The following CUX1 variants were observed in gnomAD, a reference collection of about 807,000 sequenced individuals.
The protein encoded by CUX1 is protein CASP.
In CUX1, 31 loss-of-function variants were observed where a neutral mutation model predicts 158.8. The observed-to-expected ratio is 0.20, with a 90% CI of 0.15 to 0.26. The LOEUF is 0.26. Among genes scored for constraint, CUX1 ranks in the 10% least tolerant of loss-of-function variants. CUX1 has a pLI of 1.00. For missense variants in CUX1, 1,589 were observed against 2,014.6 expected (o/e 0.79, Z 4.04); for synonymous variants, 879 against 862.1 (o/e 1.02, Z -0.34).
chr7:102,253,384 T>C lies in CUX1; in HGVS notation c.*4342T>C, dbSNP rs868942889. 7.1e-6 allele frequency: 7 copies of C among 985,462 alleles called. 1 individual carries two copies. The highest frequency in any genetic ancestry group is 1.0e-3 in the Middle Eastern group (2 of 1,914). 61.0% of individuals were successfully genotyped at this position (985,462 alleles called of 1,614,324 possible). ...GCCTCGGCTGACTACTTTAAGATTA[T>C]GCCACAGCCAGGCCCTAAAAAGAGA... On this transcript the variant is annotated 3_prime_UTR_variant, in exon 24 of 24. Coordinates refer to ENST00000292535, the MANE Select transcript of CUX1 (RefSeq NM_181552.4).
chr7:102,058,600 G>A (rs1824423299), intron 3 of CUX1, among the ~76,000 whole-genome samples: 1 of 152,086 alleles, frequency 6.6e-6, no homozygotes, highest in Admixed American at 6.6e-5. Flanking sequence ...ACTTTCTTAT[G>A]GTGGTCTGGA....
chr7:102,172,472 C>T (rs538567107), intron 10 of CUX1, among the ~76,000 whole-genome samples: 2 of 152,270 alleles, frequency 1.3e-5, no homozygotes, highest in African/African-American at 4.8e-5. Flanking sequence ...CTCAGCCTCC[C>T]AGGTCTTGAA....
Position 102,248,498 on chromosome 7 carries a change from GCAGCGGCCGGGCGGCGCC to G in CUX1, c.3979_3996del (p.Gly1327_Ser1332del), listed in dbSNP as rs782726146. 1 of 1,567,768 alleles carries G rather than the reference GCAGCGGCCGGGCGGCGCC, an allele frequency of 6.4e-7. No individual in the cohort carries two copies. Among genetic ancestry groups the G allele is most frequent in the South Asian group, 1.1e-5 (1 of 87,378 alleles). Reference sequence around the variant, plus strand: ...GGCGCCAGCGACTCACCCTCGGCCCGCAGCGGCCGGGCGGCGCCCAGCTCGGAGGGCGACAGCTGCGAC... The same window carrying G: ...GGCGCCAGCGACTCACCCTCGGCCCGCAGCTCGGAGGGCGACAGCTGCGAC... On this transcript the variant is annotated inframe_deletion, in exon 24 of 24. Transcript: ENST00000292535. The surrounding 1 kb of genome is among the most constrained non-coding windows in gnomAD (Gnocchi z 5.8).
chr7:102,154,661 C>T (rs1183122653), intron 8 of CUX1, among the ~76,000 whole-genome samples: 1 of 151,770 alleles, frequency 6.6e-6, no homozygotes, highest in Non-Finnish European at 1.5e-5. Context: ...ATCAAGTTAA[C>T]CTTGATCCAG....
intron 2 of CUX1, among the ~76,000 whole-genome samples, chr7:101,973,328 C>G (rs1019205824): frequency 6.6e-6 from 1 of 152,040 alleles, no homozygotes; most frequent in Non-Finnish European, 1.5e-5. Flanking sequence ...CTCACACTCA[C>G]GTTCATCACG....
intron 2 of CUX1, among the ~76,000 whole-genome samples, chr7:102,023,816 C>T (rs1162942690): frequency 1.3e-5 from 2 of 152,048 alleles, no homozygotes; most frequent in African/African-American, 4.8e-5. Context: ...AGTGGTTTTT[C>T]CCTCTTCAAC....
At chr7:102,232,550 C>T (rs190987101) in intron 21 of CUX1, among the ~76,000 whole-genome samples, 15 of 152,290 alleles carry the variant, frequency 9.8e-5, no homozygotes, top group African/African-American at 3.4e-4. Context: ...ACGCTGGCCC[C>T]TCTGATCCCA....
chr7:101,911,978 TTCTG>T (rs1342521907), intron 1 of CUX1, among the ~76,000 whole-genome samples: 1 of 152,186 alleles, frequency 6.6e-6, no homozygotes, highest in Non-Finnish European at 1.5e-5. Flanking sequence ...TCAGTAAAGT[TTCTG>T]TCTCAGCCTC....
At chr7:101,971,763 G>A (rs941860238) in intron 2 of CUX1, among the ~76,000 whole-genome samples, 25 of 152,184 alleles carry the variant, frequency 1.6e-4, no homozygotes, top group Non-Finnish European at 3.2e-4. Context: ...GAAGTCACTT[G>A]GTTTCATTGC....
intron 1 of CUX1, among the ~76,000 whole-genome samples, chr7:101,860,735 C>CCCTTCCTTCCTTCCGT (rs1554397500): frequency 3.3e-5 from 3 of 90,442 alleles, no homozygotes; most frequent in Admixed American, 2.6e-4. Flanking sequence ...TCCCCTTCCT[C>CCCTTCCTTCCTTCCGT]CCTTCCTTCC....
intron 2 of CUX1, among the ~76,000 whole-genome samples, chr7:101,967,289 A>G (rs1811345897): frequency 6.6e-6 from 1 of 152,214 alleles, no homozygotes. Context: ...TGCTGGGATT[A>G]CAGGCGTGAG....
chr7:101,956,060 T>C (rs1162228042), intron 2 of CUX1, among the ~76,000 whole-genome samples: 1 of 142,288 alleles, frequency 7.0e-6, no homozygotes, highest in East Asian at 2.0e-4. Flanking sequence ...CACATGCCTG[T>C]AGTCCCAGCT....
intron 2 of CUX1, among the ~76,000 whole-genome samples, chr7:101,943,742 T>TG (rs1808012261): frequency 6.6e-6 from 1 of 151,896 alleles, no homozygotes; most frequent in Admixed American, 6.6e-5. Flanking sequence ...TTTTGGCTTG[T>TG]GGAGGCTCGT....
chr7:102,143,207 A>G (rs1834650213), intron 8 of CUX1, among the ~76,000 whole-genome samples: 1 of 152,140 alleles, frequency 6.6e-6, no homozygotes, highest in African/African-American at 2.4e-5. Context: ...CCTGGGTCAG[A>G]TGGTACTTGG....
At chr7:102,278,732 A>C (rs1791816977) in intron 18 of CUX1, among the ~76,000 whole-genome samples, 1 of 148,708 alleles carries the variant, frequency 6.7e-6, no homozygotes, top group Admixed American at 6.7e-5. Flanking sequence ...AATAATAATA[A>C]ATAAAATAAA....
intron 11 of CUX1, among the ~76,000 whole-genome samples, chr7:102,184,335 C>G (rs1793423534): frequency 6.6e-6 from 1 of 152,208 alleles, no homozygotes; most frequent in Non-Finnish European, 1.5e-5. Flanking sequence ...CATTTCAGGA[C>G]CCAGCTGGGG....
At chr7:102,167,624 C>T (rs1791195661) in intron 9 of CUX1, among the ~76,000 whole-genome samples, 1 of 152,188 alleles carries the variant, frequency 6.6e-6, no homozygotes, top group African/African-American at 2.4e-5. Context: ...TTATTCCAGG[C>T]AGAGTCTTAG....
chr7:101,940,606 G>A (rs1807591297), intron 2 of CUX1, among the ~76,000 whole-genome samples: 1 of 152,016 alleles, frequency 6.6e-6, no homozygotes, highest in Admixed American at 6.6e-5. Context: ...TATTGTTCTA[G>A]TTCTTATATT....
intron 3 of CUX1, among the ~76,000 whole-genome samples, chr7:102,049,334 G>T (rs749815225): frequency 6.6e-6 from 1 of 152,218 alleles, no homozygotes; most frequent in Non-Finnish European, 1.5e-5. Flanking sequence ...CTGCACAGCA[G>T]CTCAGCCCGG....
Sources: allele counts gnomAD v4.1 joint callset (sites outside exome capture counted in the v4.1 genomes callset), GRCh38; gene constraint gnomAD v4.1.1; non-coding constraint Gnocchi (gnomAD v3.1); transcripts MANE v1.5; gene names NCBI Gene and HGNC (gene_info 2026-07-23, HGNC 2026-07-21).